The following UBR3 variants were observed in gnomAD, a reference collection of about 807,000 sequenced individuals.
The protein encoded by UBR3 is ubiquitin protein ligase E3 component n-recognin 3.
Under a neutral mutation model 243.2 loss-of-function variants are expected in UBR3, and 85 were observed. The ratio of observed to expected loss-of-function variants is 0.35; its 90% confidence interval spans 0.29 to 0.42. UBR3 has a LOEUF of 0.42. UBR3 is among the 10% of genes least tolerant of loss of function. The pLI, the probability that UBR3 is intolerant of heterozygous loss-of-function variation, is 1.00. For synonymous variants in UBR3, 748 were observed against 799.8 expected (o/e 0.94, Z 1.09); for missense variants, 1,686 against 2,300.8 (o/e 0.73, Z 5.47).
intron 36 of UBR3, among the ~76,000 whole-genome samples, chr2:170,078,530 G>A (rs2091855354): frequency 6.6e-6 from 1 of 152,192 alleles, no homozygotes; most frequent in Non-Finnish European, 1.5e-5. Context: ...TACACATTCT[G>A]TAGGTGATTT....
At chr2:169,847,114 T>TGTGTGTGTGC (rs1559014516) in intron 1 of UBR3, among the ~76,000 whole-genome samples, 1 of 53,750 alleles carries the variant, frequency 1.9e-5, no homozygotes, top group Non-Finnish European at 3.8e-5. Flanking sequence ...TGTGTGTGTG[T>TGTGTGTGTGC]GTGTGTGTGT....
chr2:169,862,158 G>C (rs547746191), intron 1 of UBR3, among the ~76,000 whole-genome samples: 5 of 151,256 alleles, frequency 3.3e-5, no homozygotes, highest in Admixed American at 1.3e-4. Context: ...TTACTTTCAA[G>C]TTTTCTGATC....
intron 31 of UBR3, among the ~76,000 whole-genome samples, chr2:170,037,041 C>T (rs749737399): frequency 2.6e-5 from 4 of 152,070 alleles, no homozygotes; most frequent in Non-Finnish European, 5.9e-5. Flanking sequence ...AACTATATAA[C>T]GTACTTGGAA....
intron 19 of UBR3, among the ~76,000 whole-genome samples, chr2:169,936,588 T>C (rs979219771): frequency 4.6e-5 from 7 of 152,208 alleles, no homozygotes; most frequent in South Asian, 4.1e-4. Context: ...TTCTTACATA[T>C]GTATACATGT....
At position 169,846,118 on chromosome 2, in the gene UBR3, T is replaced by C. The variant is rs114071180; in HGVS notation, c.545+18066T>C. ...CAGGTCTTCTATGTTCTTACTGATT[T>C]TCTGTCTGCTTGTTTTCTTCATTAC... On this transcript the variant is annotated intron_variant, in intron 1 of 38. Coordinates refer to ENST00000272793, the MANE Select transcript of UBR3 (RefSeq NM_172070.4). Among the ~76,000 whole-genome samples the C allele has an allele frequency of 2.0e-3, 302 of 152,262 alleles. 1 individual carries two copies. Among genetic ancestry groups the C allele is most frequent in the African/African-American group, 7.1e-3 (294 of 41,548 alleles).
rs1348544136 is a variant in UBR3, at chr2:169,930,090, G to A, written c.2566+1222G>A. The stretch of plus-strand genomic sequence containing the variant: ...TTTGGGAGTGGAGTGGTGCTGTGGT[G>A]TAGTGCAGTGCTTATAAAAGTGTGA... On this transcript the variant is annotated intron_variant, in intron 18 of 38. Coordinates refer to ENST00000272793, the MANE Select transcript of UBR3 (RefSeq NM_172070.4). 3.9e-5 allele frequency among the ~76,000 whole-genome samples: 6 copies of A among 152,260 alleles called. No homozygotes were observed. In the East Asian group the frequency reaches 7.7e-4, roughly 20 times the overall value.
At chr2:169,840,430 G>T (rs972767901) in intron 1 of UBR3, among the ~76,000 whole-genome samples, 5 of 152,214 alleles carry the variant, frequency 3.3e-5, no homozygotes, top group Non-Finnish European at 7.3e-5. Context: ...CCTCCGGGTG[G>T]CTCCACCCCT....
In UBR3 at chr2:169,985,595, A is replaced by G. The variant is rs575348421; in HGVS notation, c.3635-1050A>G. Reference sequence around the variant, plus strand: ...TGAAATCTTCTTTTCATTTTGACCTACTAGTGTATTTTCCTAGACATTGTG... The same window carrying G: ...TGAAATCTTCTTTTCATTTTGACCTGCTAGTGTATTTTCCTAGACATTGTG... On this transcript the variant is annotated intron_variant, in intron 24 of 38. Coordinates refer to ENST00000272793, the MANE Select transcript of UBR3 (RefSeq NM_172070.4). Among the ~76,000 whole-genome samples, 7 of 151,920 alleles carry G rather than the reference A, an allele frequency of 4.6e-5. No homozygotes were observed. In the South Asian group the frequency reaches 1.3e-3, roughly 27 times the overall value.
intron 24 of UBR3, among the ~76,000 whole-genome samples, chr2:169,962,134 T>C (rs1215303949): frequency 6.6e-6 from 1 of 152,142 alleles, no homozygotes; most frequent in Non-Finnish European, 1.5e-5. Flanking sequence ...CGGAGGCCCA[T>C]GTGAGTGAGG....
At chr2:169,870,505 G>T (rs1044553599) in intron 1 of UBR3, among the ~76,000 whole-genome samples, 1 of 151,772 alleles carries the variant, frequency 6.6e-6, no homozygotes, top group African/African-American at 2.4e-5. Context: ...TTAAGGTCCA[G>T]TTCATTATCA....
chr2:169,869,035 C>T (rs927558939), intron 1 of UBR3, among the ~76,000 whole-genome samples: 2 of 152,008 alleles, frequency 1.3e-5, no homozygotes, highest in South Asian at 2.1e-4. Flanking sequence ...GTGTATTTAA[C>T]GTGTTCATTT....
At chr2:170,071,043 A>G (rs2091686704) in intron 35 of UBR3, among the ~76,000 whole-genome samples, 1 of 152,182 alleles carries the variant, frequency 6.6e-6, no homozygotes, top group African/African-American at 2.4e-5. Context: ...TGTTCATTAG[A>G]GAAGTACCAA....
At position 169,928,837 on chromosome 2, in the gene UBR3, T is replaced by C. The variant is rs2086007052; in HGVS notation, c.2535T>C (p.Gly845=). 2 of 1,494,946 alleles carry C rather than the reference T, an allele frequency of 1.3e-6. No individual in the cohort carries two copies. The highest frequency in any genetic ancestry group is 1.8e-6 in the Non-Finnish European group (2 of 1,107,696). The allele number at this position is 1,494,946 out of a possible 1,614,324, so 92.6% of individuals were successfully genotyped here. A position where few individuals can be genotyped will look rare whatever the true frequency, so the allele number is the denominator to read the frequency against. Reference sequence around the variant, plus strand: ...AGGCTCCTGTTTTTGAACCTGGAGGTTCTATGCAACAAGGCATGTATACTC... The same window carrying C: ...AGGCTCCTGTTTTTGAACCTGGAGGCTCTATGCAACAAGGCATGTATACTC... The part of the protein sequence containing the change: ...DFKAPVFEPG[G]SMQQGMYTPK... Residue 845 remains glycine, a synonymous_variant, in exon 18 of 39, where the codon GGT becomes GGC. Coordinates refer to ENST00000272793, the MANE Select transcript of UBR3 (RefSeq NM_172070.4).
chr2:169,876,550 T>TGTATTGTATTGTATTGTATA (rs1216366823), intron 3 of UBR3, among the ~76,000 whole-genome samples: 2 of 151,396 alleles, frequency 1.3e-5, no homozygotes, highest in Non-Finnish European at 2.9e-5. Flanking sequence ...TGTATTGTAT[T>TGTATTGTATTGTATTGTATA]GTATTGTATT....
At chr2:169,976,387 T>C (rs757629781) in intron 24 of UBR3, among the ~76,000 whole-genome samples, 31 of 152,290 alleles carry the variant, frequency 2.0e-4, no homozygotes, top group Non-Finnish European at 3.5e-4. Flanking sequence ...ATGGTGATTA[T>C]TGCATTTTTG....
At chr2:170,029,211 G>A (rs2090607368) in intron 30 of UBR3, 135 bp from the exon 31 acceptor site, 2 of 632,538 alleles carry the variant, frequency 3.2e-6, no homozygotes, top group South Asian at 4.2e-5. Context: ...GAAGTAATTG[G>A]GACTTAAACT....
Position 170,007,088 on chromosome 2 carries a change from A to G in UBR3, c.4128A>G (p.Gly1376=). Residue 1376 remains glycine (G), a synonymous_variant, in exon 28 of 39, where the codon GGA becomes GGG. Coordinates refer to ENST00000272793, the MANE Select transcript of UBR3 (RefSeq NM_172070.4). ...FANSVLPCYP[G]SNVENNPWQR... ...ACAGTGTTCTTCCATGTTATCCTGG[A>G]AGCAATGTGGAAAATAACCCTTGGC... 1 of 1,613,838 alleles carries G rather than the reference A, an allele frequency of 6.2e-7. No homozygotes were observed. Among genetic ancestry groups the G allele is most frequent in the Non-Finnish European group, 8.5e-7 (1 of 1,179,976 alleles).
rs528722816 is a variant in UBR3 at position 169,874,278 on chromosome 2, C to T, written c.686-1513C>T. On this transcript the variant is annotated intron_variant, in intron 2 of 38. Transcript: ENST00000272793. ...CCGCCTCCTGGGTTCAAGTGATTCT[C>T]CTGCCTCAGCCTCCCAAACAGCTGG... Among the ~76,000 whole-genome samples, 27 of 152,016 alleles carry T rather than the reference C, an allele frequency of 1.8e-4. No individual in the cohort carries two copies. In the South Asian group the frequency reaches 5.6e-3, roughly 32 times the overall value.
At chr2:169,942,691 T>C in intron 20 of UBR3, 57 bp downstream of exon 20, 1 of 1,407,958 alleles carries the variant, frequency 7.1e-7, no homozygotes, top group South Asian at 1.6e-5. Context: ...CAAATAATAA[T>C]CCTAAAGGAT....
Sources: allele counts gnomAD v4.1 joint callset (sites outside exome capture counted in the v4.1 genomes callset), GRCh38; gene constraint gnomAD v4.1.1; transcripts MANE v1.5; gene names NCBI Gene and HGNC (gene_info 2026-07-23, HGNC 2026-07-21).